The following CDK14 variants were observed in gnomAD, a reference collection of about 807,000 sequenced individuals.
CDK14 encodes the protein cyclin-dependent kinase 14.
A neutral mutation model predicts 60.7 loss-of-function variants in CDK14; 34 were observed. The ratio of observed to expected loss-of-function variants is 0.56; its 90% confidence interval spans 0.43 to 0.75. CDK14 has a LOEUF of 0.75. CDK14 is among the 30% of genes least tolerant of loss of function. The probability of loss-of-function intolerance (pLI) is 0.00; values close to 1 mark genes in which losing one functional copy is unlikely to be tolerated. For synonymous variants in CDK14, 197 were observed against 203.7 expected, an observed-to-expected ratio of 0.97 and a Z score of 0.28; for missense variants, 482 against 564.1, an observed-to-expected ratio of 0.85 and a Z score of 1.47.
At chr7:90,950,617 A>G (rs1327022788) in intron 8 of CDK14, among the ~76,000 whole-genome samples, 1 of 152,234 alleles carries the variant, frequency 6.6e-6, no homozygotes, top group African/African-American at 2.4e-5. Flanking sequence ...GGTGATGTGT[A>G]GCAGTCAGCT....
At chr7:90,708,961 C>T (rs1801965728) in intron 2 of CDK14, among the ~76,000 whole-genome samples, 1 of 152,120 alleles carries the variant, frequency 6.6e-6, no homozygotes, top group Admixed American at 6.5e-5. Context: ...GAGTAGCAGT[C>T]TGGCATCCTT....
At chr7:90,914,575 G>C (rs965426872) in intron 7 of CDK14, among the ~76,000 whole-genome samples, 1 of 152,102 alleles carries the variant, frequency 6.6e-6, no homozygotes, top group African/African-American at 2.4e-5. Context: ...ACATTTGTTT[G>C]GGGCTGTATT....
chr7:91,015,257 A>G lies in CDK14; in HGVS notation c.1042-30640A>G, dbSNP rs544161695. ...TCTTATTTTTCTTTCCTTGAGCATT[A>G]ACTCCTTCCTCAAGACACTCCCTGT... is the stretch of plus-strand genomic sequence containing the variant. On this transcript the variant is annotated intron_variant, in intron 10 of 14. Coordinates refer to ENST00000380050, the MANE Select transcript of CDK14 (RefSeq NM_001287135.2). 2.6e-5 allele frequency among the ~76,000 whole-genome samples: 4 copies of G among 152,124 alleles called. No individual in the cohort carries two copies. The South Asian group carries it at 8.3e-4, about 32-fold the overall frequency.
rs1799183930 is a variant in CDK14 at position 90,596,344 on chromosome 7, G to GCGGCGGCGGCGCGGCGCGGGGCCA, written c.-282_-259dup. 1.3e-5 allele frequency among the ~76,000 whole-genome samples: 2 copies of GCGGCGGCGGCGCGGCGCGGGGCCA among 150,120 alleles called. No individual in the cohort carries two copies. Among genetic ancestry groups the GCGGCGGCGGCGCGGCGCGGGGCCA allele is most frequent in the African/African-American group, 2.4e-5 (1 of 41,180 alleles). On this transcript the variant is annotated 5_prime_UTR_variant, in exon 1 of 15. Transcript: ENST00000380050. ...TTACAAAGGAGGGAAAATGAGCCGG[G>GCGGCGGCGGCGCGGCGCGGGGCCA]CGGCGGCGGCGCGGCGCGGGGCCAC... is the stretch of plus-strand genomic sequence containing the variant.
intron 10 of CDK14, among the ~76,000 whole-genome samples, chr7:91,010,834 TCCCTCCCTCCC>T (rs1796136447): frequency 2.9e-4 from 18 of 63,084 alleles, no homozygotes; most frequent in African/African-American, 9.5e-4. Flanking sequence ...CCTTCCTTCC[TCCCTCCCTCCC>T]TCCCTCCCTC....
At chr7:90,716,641 T>C (rs1444222063) in intron 2 of CDK14, among the ~76,000 whole-genome samples, 1 of 152,086 alleles carries the variant, frequency 6.6e-6, no homozygotes, top group East Asian at 1.9e-4. Flanking sequence ...ATTGGATGTA[T>C]ATTATTGCAC....
rs148703813 is a variant in CDK14 at position 91,133,827 on chromosome 7, C to T, written c.*28+15619C>T. Among the ~76,000 whole-genome samples, 837 of 152,256 alleles carry T rather than the reference C, an allele frequency of 5.5e-3. 2 individuals are homozygous for T. The highest frequency in any genetic ancestry group is 9.2e-3 in the African/African-American group (381 of 41,558). On this transcript the variant is annotated intron_variant, in intron 14 of 14. Coordinates refer to ENST00000380050, the MANE Select transcript of CDK14 (RefSeq NM_001287135.2). Reference sequence around the variant, plus strand: ...TTTGACGCTATCTCATTACCAGATTCTCCTCTGTAGATCTATGTTGAAGAG... The same window carrying T: ...TTTGACGCTATCTCATTACCAGATTTTCCTCTGTAGATCTATGTTGAAGAG...
At position 90,709,775 on chromosome 7, in the gene CDK14, T is replaced by A. The variant is rs1028903893; in HGVS notation, c.124-16792T>A. On this transcript the variant is annotated intron_variant, in intron 2 of 14. Transcript: ENST00000380050. ...TCTCTTAGGGGATTTCTGGGCTTTTTTTTTTTTGCTTGCTTATGCATCCCC... is the reference window on the plus strand; with the variant it reads ...TCTCTTAGGGGATTTCTGGGCTTTTATTTTTTTGCTTGCTTATGCATCCCC... The A allele has an allele frequency of 2.3e-5, 33 of 1,428,066 alleles. No individual in the cohort carries two copies. The South Asian group carries it at 4.1e-4, about 18-fold the overall frequency. 88.5% of individuals were successfully genotyped at this position (1,428,066 alleles called of 1,614,324 possible).
At chr7:90,680,498 A>G (rs2116558635) in intron 2 of CDK14, among the ~76,000 whole-genome samples, 1 of 152,206 alleles carries the variant, frequency 6.6e-6, no homozygotes, top group East Asian at 1.9e-4. Flanking sequence ...CATGATGTAA[A>G]AGAAGCCAGA....
At chr7:90,710,113 A>T (rs1194369925) in intron 2 of CDK14, 1 of 978,426 alleles carries the variant, frequency 1.0e-6, no homozygotes, top group African/African-American at 1.8e-5. Context: ...GAAACATCAC[A>T]GATTGATAAA....
At chr7:90,784,418 A>G (rs1262947877) in intron 4 of CDK14, among the ~76,000 whole-genome samples, 1 of 152,212 alleles carries the variant, frequency 6.6e-6, no homozygotes. Context: ...GTGGATATGG[A>G]AAGTTCTCAA....
At chr7:91,179,747 G>A (rs1206302172) in intron 14 of CDK14, among the ~76,000 whole-genome samples, 1 of 151,910 alleles carries the variant, frequency 6.6e-6, no homozygotes, top group Non-Finnish European at 1.5e-5. Context: ...AGGTTGCAGT[G>A]AGTGGAGATT....
intron 2 of CDK14, among the ~76,000 whole-genome samples, chr7:90,686,830 G>C (rs1801448578): frequency 6.6e-6 from 1 of 152,048 alleles, no homozygotes; most frequent in South Asian, 2.1e-4. Context: ...TTTTGTCTTT[G>C]ATGAAAAGTT....
chr7:90,734,714 C>T (rs1444430624), intron 3 of CDK14, among the ~76,000 whole-genome samples: 1 of 152,122 alleles, frequency 6.6e-6, no homozygotes, highest in Non-Finnish European at 1.5e-5. Flanking sequence ...GTTCATCTAA[C>T]CTTTTTTCAA....
At chr7:90,635,280 G>T (rs1038006567) in intron 2 of CDK14, among the ~76,000 whole-genome samples, 2 of 152,238 alleles carry the variant, frequency 1.3e-5, no homozygotes, top group African/African-American at 4.8e-5. Context: ...TAACATGTAA[G>T]TCTTTAATCC....
chr7:91,209,376 G>A lies in CDK14; in HGVS notation c.*2240G>A, dbSNP rs960556938. ...GTACCTATCCTTGCCACCCATACAG[G>A]AAATCCAAAGTTTGGTGTCTCTCTC... On this transcript the variant is annotated 3_prime_UTR_variant, in exon 15 of 15. Transcript: ENST00000380050. 2 of 144,024 alleles carry A rather than the reference G, an allele frequency of 1.4e-5. No homozygotes were observed. The highest frequency in any genetic ancestry group is 3.0e-5 in the Non-Finnish European group (2 of 66,308). The allele number at this position is 144,024 out of a possible 1,614,324, so 8.9% of individuals were successfully genotyped here.
intron 7 of CDK14, among the ~76,000 whole-genome samples, chr7:90,913,173 T>A (rs1792962844): frequency 6.6e-6 from 1 of 152,144 alleles, no homozygotes; most frequent in African/African-American, 2.4e-5. Context: ...CCAAGAGAAG[T>A]GATTTTCTAA....
At chr7:90,704,229 A>G (rs113013364) in intron 2 of CDK14, among the ~76,000 whole-genome samples, 1 of 152,204 alleles carries the variant, frequency 6.6e-6, no homozygotes, top group African/African-American at 2.4e-5. Flanking sequence ...CTTCTTGACA[A>G]CCTTAACAAT....
At chr7:90,782,256 C>T (rs1005463180) in intron 4 of CDK14, among the ~76,000 whole-genome samples, 2 of 152,054 alleles carry the variant, frequency 1.3e-5, no homozygotes, top group African/African-American at 4.8e-5. Context: ...GTGATTTTTG[C>T]ACATTGATTT....
Sources: allele counts gnomAD v4.1 joint callset (sites outside exome capture counted in the v4.1 genomes callset), GRCh38; gene constraint gnomAD v4.1.1; transcripts MANE v1.5; gene names NCBI Gene and HGNC (gene_info 2026-07-23, HGNC 2026-07-21).